HMGCLL1: variants seen among roughly 807,000 people sequenced by gnomAD.
HMGCLL1 encodes 3-hydroxymethyl-3-methylglutaryl-CoA lyase, cytoplasmic.
In HMGCLL1, 36 loss-of-function variants were observed where a neutral mutation model predicts 39.1. The ratio of observed to expected loss-of-function variants is 0.92; its 90% CI spans 0.71 to 1.22. The LOEUF (loss-of-function observed/expected upper bound fraction) is 1.22. Among genes scored for constraint, HMGCLL1 ranks in the 50% most tolerant of loss-of-function variants. The pLI, the probability that HMGCLL1 is intolerant of heterozygous loss-of-function variation, is 0.00. For synonymous variants in HMGCLL1, 149 were observed against 144.0 expected (o/e 1.03, Z -0.25); for missense variants, 451 against 416.5 (o/e 1.08, Z -0.72).
chr6:55,622,711 T>C, the HMGCLL1 span, among the ~76,000 whole-genome samples: 2 of 152,128 alleles, frequency 1.3e-5, no homozygotes, highest in African/African-American at 4.8e-5. Context: ...TAAATTGAAC[T>C]GTAATTTTCT....
the HMGCLL1 span, among the ~76,000 whole-genome samples, chr6:55,588,635 T>C: frequency 5.3e-5 from 8 of 151,692 alleles, no homozygotes; most frequent in Non-Finnish European, 1.2e-4. Flanking sequence ...TTTGAAAAGA[T>C]CAACAAAATT....
At chr6:55,604,589 A>C in the HMGCLL1 span, among the ~76,000 whole-genome samples, 1 of 152,136 alleles carries the variant, frequency 6.6e-6, no homozygotes, top group East Asian at 1.9e-4. Flanking sequence ...TAGAATGAAA[A>C]ACAATGGAAT....
chr6:55,543,450 ATGATATATAT>A (rs1769722453), intron 1 of HMGCLL1, among the ~76,000 whole-genome samples: 1 of 14,624 alleles, frequency 6.8e-5, no homozygotes, highest in East Asian at 1.8e-3. Flanking sequence ...TATGATATAT[ATGATATATAT>A]CATATATATC....
the HMGCLL1 span, among the ~76,000 whole-genome samples, chr6:55,589,246 C>A: frequency 6.6e-6 from 1 of 152,158 alleles, no homozygotes; most frequent in African/African-American, 2.4e-5. Flanking sequence ...AAGGCTGGTT[C>A]AACATACACA....
chr6:55,494,030 G>A (rs969605566), intron 7 of HMGCLL1, among the ~76,000 whole-genome samples: 5 of 152,048 alleles, frequency 3.3e-5, no homozygotes, highest in East Asian at 1.9e-4. Context: ...GAGCCACCGC[G>A]CCTGGCCCCT....
At chr6:55,541,383 T>C (rs757838705) in intron 3 of HMGCLL1, among the ~76,000 whole-genome samples, 2 of 152,198 alleles carry the variant, frequency 1.3e-5, no homozygotes, top group Non-Finnish European at 2.9e-5. Flanking sequence ...TATTATCATT[T>C]GCCTCTAACA....
At chr6:55,594,908 A>C in the HMGCLL1 span, among the ~76,000 whole-genome samples, 1 of 152,228 alleles carries the variant, frequency 6.6e-6, no homozygotes, top group African/African-American at 2.4e-5. Context: ...GCTACCAAGT[A>C]TACAGAGTAG....
intron 1 of HMGCLL1, among the ~76,000 whole-genome samples, chr6:55,550,551 C>G (rs940219913): frequency 6.6e-5 from 10 of 151,906 alleles, no homozygotes; most frequent in Non-Finnish European, 2.9e-5. Flanking sequence ...AATCCTTGTC[C>G]AGGAGACTGT....
At chr6:55,586,551 C>A in the HMGCLL1 span, among the ~76,000 whole-genome samples, 9 of 151,566 alleles carry the variant, frequency 5.9e-5, no homozygotes, top group African/African-American at 1.5e-4. Context: ...CTCCTCCCCC[C>A]ACCCTACAAC....
the HMGCLL1 span, among the ~76,000 whole-genome samples, chr6:55,650,267 G>T: frequency 1.3e-5 from 2 of 150,836 alleles, no homozygotes; most frequent in South Asian, 2.1e-4. Flanking sequence ...GGCATTGAAG[G>T]GTTAGGTACT....
chr6:55,599,951 T>C, the HMGCLL1 span, among the ~76,000 whole-genome samples: 1 of 152,206 alleles, frequency 6.6e-6, no homozygotes, highest in Admixed American at 6.5e-5. Context: ...CTTGTCCATA[T>C]TCTCATTAAG....
At chr6:55,653,935 A>T in the HMGCLL1 span, among the ~76,000 whole-genome samples, 101 of 152,188 alleles carry the variant, frequency 6.6e-4, no homozygotes, top group East Asian at 0.017. Flanking sequence ...GAAGTTTCAT[A>T]TCCCAAAATA....
the HMGCLL1 span, among the ~76,000 whole-genome samples, chr6:55,623,136 C>G: frequency 3.3e-5 from 5 of 151,866 alleles, no homozygotes; most frequent in African/African-American, 1.2e-4. Flanking sequence ...TTGATTCCTC[C>G]ATTTTTTTCT....
At chr6:55,592,648 A>T in the HMGCLL1 span, among the ~76,000 whole-genome samples, 2 of 152,222 alleles carry the variant, frequency 1.3e-5, no homozygotes, top group African/African-American at 4.8e-5. Context: ...ACATTGCCAG[A>T]TATCCCCCTG....
intron 7 of HMGCLL1, among the ~76,000 whole-genome samples, chr6:55,471,537 T>G (rs895327808): frequency 3.3e-5 from 5 of 151,786 alleles, no homozygotes; most frequent in Admixed American, 1.3e-4. Flanking sequence ...CTGGCTTTTC[T>G]ATTTTTGCCA....
At chr6:55,566,427 G>A (rs905639816) in intron 1 of HMGCLL1, 2 of 280,980 alleles carry the variant, frequency 7.1e-6, no homozygotes, top group African/African-American at 4.4e-5. Flanking sequence ...TCTGCCATCT[G>A]TATTTCTCTA....
At chr6:55,528,117 C>T (rs925437708) in intron 3 of HMGCLL1, among the ~76,000 whole-genome samples, 9 of 151,996 alleles carry the variant, frequency 5.9e-5, no homozygotes, top group Non-Finnish European at 1.0e-4. Flanking sequence ...CCAACTCTAT[C>T]GATAATCCAG....
At chr6:55,492,690 A>C (rs989000669) in intron 7 of HMGCLL1, among the ~76,000 whole-genome samples, 1 of 152,200 alleles carries the variant, frequency 6.6e-6, no homozygotes, top group Non-Finnish European at 1.5e-5. Context: ...CTCCGGCCTC[A>C]TATCATGTTG....
intron 5 of HMGCLL1, among the ~76,000 whole-genome samples, chr6:55,509,068 T>C (rs373968521): frequency 6.6e-6 from 1 of 151,936 alleles, no homozygotes; most frequent in East Asian, 1.9e-4. Flanking sequence ...GAATAATATA[T>C]AAAGCTTAAA....
Sources: allele counts gnomAD v4.1 joint callset (sites outside exome capture counted in the v4.1 genomes callset), GRCh38; gene constraint gnomAD v4.1.1; transcripts MANE v1.5; gene names NCBI Gene and HGNC (gene_info 2026-07-23, HGNC 2026-07-21).